The following EPHB1 variants were observed in gnomAD, a reference collection of about 807,000 sequenced individuals.
EPHB1 encodes the protein EPH receptor B1.
Under a neutral mutation model 94.4 loss-of-function variants are expected in EPHB1, and 30 were observed. That is an observed-to-expected ratio of 0.32 (90% confidence interval 0.24 to 0.43). EPHB1 has a LOEUF of 0.43. EPHB1 is among the 20% of genes least tolerant of loss of function. EPHB1 has a pLI of 1.00. For missense variants in EPHB1, 1,055 were observed against 1,308.3 expected (o/e 0.81, Z 2.99); for synonymous variants, 522 against 489.1 (o/e 1.07, Z -0.89).
At chr3:135,242,876 G>A (rs945587964) in intron 13 of EPHB1, among the ~76,000 whole-genome samples, 3 of 152,072 alleles carry the variant, frequency 2.0e-5, no homozygotes, top group Non-Finnish European at 4.4e-5. Context: ...CCAGGACTTT[G>A]AGACCAGCAT....
In EPHB1 at chr3:134,823,595, C is replaced by A. The variant is rs147136390; in HGVS notation, c.58+27906C>A. On this transcript the variant is annotated intron_variant, in intron 1 of 15. Transcript: ENST00000398015. ...CATTTTACAGATAGGAAAACCAAGG[C>A]CCAGCTTGGCAGGGTAACACCAGAG... Among the ~76,000 whole-genome samples, 743 of 152,276 alleles carry A rather than the reference C, an allele frequency of 4.9e-3. 8 individuals are homozygous for A. The South Asian group carries it at 0.052, about 11-fold the overall frequency.
intron 5 of EPHB1, among the ~76,000 whole-genome samples, chr3:135,134,144 T>TG (rs1199260508): frequency 6.6e-6 from 1 of 152,204 alleles, no homozygotes; most frequent in African/African-American, 2.4e-5. Context: ...GCACAGGCAA[T>TG]GGGGGTCATA....
At chr3:135,127,979 C>T (rs1446903782) in intron 4 of EPHB1, among the ~76,000 whole-genome samples, 1 of 152,188 alleles carries the variant, frequency 6.6e-6, no homozygotes, top group African/African-American at 2.4e-5. Context: ...CTTCTCCCAT[C>T]CTTTAAAAGG....
chr3:134,840,311 G>A (rs558378629), intron 1 of EPHB1: 4 of 152,320 alleles, frequency 2.6e-5, no homozygotes, highest in African/African-American at 4.8e-5. Context: ...ATAACCAGGT[G>A]AGGTTGCCTG....
chr3:135,168,991 A>G (rs190750703), intron 9 of EPHB1, among the ~76,000 whole-genome samples: 1 of 152,204 alleles, frequency 6.6e-6, no homozygotes, highest in African/African-American at 2.4e-5. Context: ...AGGTTCTCCA[A>G]ACATTGGGTG....
intron 4 of EPHB1, among the ~76,000 whole-genome samples, chr3:135,118,232 C>T (rs1230372049): frequency 1.3e-5 from 2 of 152,170 alleles, no homozygotes; most frequent in Admixed American, 6.5e-5. Flanking sequence ...ACCAAGTCTT[C>T]GGAGACAGAG....
intron 11 of EPHB1, among the ~76,000 whole-genome samples, chr3:135,198,432 T>C (rs914471077): frequency 6.6e-6 from 1 of 152,248 alleles, no homozygotes. Flanking sequence ...AGTCAAGTGA[T>C]GGATGCTACC....
chr3:135,147,515 TA>T (rs1346177722), intron 5 of EPHB1, among the ~76,000 whole-genome samples: 1 of 152,030 alleles, frequency 6.6e-6, no homozygotes, highest in Non-Finnish European at 1.5e-5. Context: ...CCTATGAGGG[TA>T]AAAGTGGTTA....
intron 1 of EPHB1, among the ~76,000 whole-genome samples, chr3:134,865,684 G>A (rs1194184132): frequency 6.6e-6 from 1 of 151,452 alleles, no homozygotes; most frequent in East Asian, 1.9e-4. Flanking sequence ...AAAGAAAGGG[G>A]CACTCTCAGT....
intron 6 of EPHB1, among the ~76,000 whole-genome samples, chr3:135,158,455 G>A (rs528379686): frequency 8.5e-5 from 13 of 152,334 alleles, no homozygotes; most frequent in South Asian, 2.1e-4. Flanking sequence ...TGATGGGCAT[G>A]GCTGGGTTCC....
intron 3 of EPHB1, among the ~76,000 whole-genome samples, chr3:135,082,309 A>G (rs1938193376): frequency 6.6e-6 from 1 of 152,212 alleles, no homozygotes; most frequent in Non-Finnish European, 1.5e-5. Flanking sequence ...GCAAAGATAA[A>G]CTGGTTACAG....
At chr3:135,238,532 C>T (rs1943707430) in intron 12 of EPHB1, among the ~76,000 whole-genome samples, 1 of 152,200 alleles carries the variant, frequency 6.6e-6, no homozygotes, top group African/African-American at 2.4e-5. Flanking sequence ...GGAGGACACT[C>T]TCAGACTCCC....
intron 3 of EPHB1, among the ~76,000 whole-genome samples, chr3:135,034,862 G>C (rs565019107): frequency 3.7e-4 from 57 of 152,224 alleles, no homozygotes; most frequent in Non-Finnish European, 6.8e-4. Flanking sequence ...AGACCCTACA[G>C]GATAGCCTCT....
At chr3:135,128,499 G>A (rs1401676041) in intron 4 of EPHB1, among the ~76,000 whole-genome samples, 1 of 152,214 alleles carries the variant, frequency 6.6e-6, no homozygotes, top group East Asian at 1.9e-4. Context: ...CAGACACCTG[G>A]GGCCATCATC....
At chr3:135,150,615 T>A (rs928395587) in intron 5 of EPHB1, among the ~76,000 whole-genome samples, 6 of 152,216 alleles carry the variant, frequency 3.9e-5, no homozygotes, top group African/African-American at 1.4e-4. Context: ...CCACTTGGTT[T>A]CTAGGCGATC....
At chr3:134,816,286 G>A (rs912482094) in intron 1 of EPHB1, among the ~76,000 whole-genome samples, 13 of 151,916 alleles carry the variant, frequency 8.6e-5, no homozygotes, top group African/African-American at 2.9e-4. Flanking sequence ...TAGAGACGGG[G>A]TTTCACCATG....
At chr3:135,234,522 AT>A (rs1318345274) in intron 12 of EPHB1, among the ~76,000 whole-genome samples, 1 of 152,226 alleles carries the variant, frequency 6.6e-6, no homozygotes, top group Non-Finnish European at 1.5e-5. Flanking sequence ...ATTTTCAGGT[AT>A]CCTTATAGCA....
chr3:134,956,460 C>T (rs953208024), intron 3 of EPHB1, among the ~76,000 whole-genome samples: 2 of 152,162 alleles, frequency 1.3e-5, no homozygotes, highest in Non-Finnish European at 2.9e-5. Context: ...TTGCCTCTGC[C>T]CCTGCCCCAG....
At chr3:135,173,943 C>G (rs1388488857) in intron 9 of EPHB1, among the ~76,000 whole-genome samples, 1 of 152,234 alleles carries the variant, frequency 6.6e-6, no homozygotes, top group Non-Finnish European at 1.5e-5. Context: ...TTGTCCCTCC[C>G]TAATTCCCCA....
Sources: gnomAD v4.1 joint callset for allele counts (sites outside exome capture counted in the v4.1 genomes callset) on GRCh38, gnomAD v4.1.1 for gene constraint, MANE v1.5 for transcripts, NCBI Gene and HGNC (gene_info 2026-07-23, HGNC 2026-07-21) for gene names.